The following TPX2 variants were observed in gnomAD, a reference collection of about 807,000 sequenced individuals.
TPX2 encodes the protein targeting protein for Xklp2.
A neutral mutation model predicts 93.6 loss-of-function variants in TPX2; 21 were observed. The observed-to-expected ratio is 0.22, with a 90% CI of 0.16 to 0.32. The LOEUF (loss-of-function observed/expected upper bound fraction) is 0.32. Ranked by LOEUF, TPX2 falls within the 10% of genes least tolerant of loss-of-function variation. TPX2 has a pLI of 1.00. For missense variants in TPX2, 776 were observed against 871.1 expected, an observed-to-expected ratio of 0.89 and a Z score of 1.37; for synonymous variants, 281 against 298.3, an observed-to-expected ratio of 0.94 and a Z score of 0.60.
rs969431981 is a variant in TPX2 at position 31,776,063 on chromosome 20, T to A, written c.730+75T>A. 7 of 479,354 alleles carry A rather than the reference T, an allele frequency of 1.5e-5. No homozygotes were observed. The South Asian group carries it at 3.8e-4, about 26-fold the overall frequency. 29.7% of individuals were successfully genotyped at this position (479,354 alleles called of 1,614,324 possible). On this transcript the variant is annotated intron_variant, in intron 8 of 17. Coordinates refer to ENST00000300403, the MANE Select transcript of TPX2 (RefSeq NM_012112.5). ...CTCTTGGTAGGTGTTTTTTTTTTTT[T>A]TTTTTTTTTTTTTTTTTTTTTTTTT...
intron 17 of TPX2, among the ~76,000 whole-genome samples, chr20:31,799,371 C>A (rs985491213): frequency 1.3e-5 from 2 of 152,178 alleles, no homozygotes; most frequent in African/African-American, 4.8e-5. Context: ...AGAGATCTAT[C>A]ATATAACAAG....
Position 31,778,967 on chromosome 20 carries a change from G to A in TPX2, c.1037G>A (p.Ser346Asn). ...ACCCCTAACAGATATCATTTGAGGA[G>A]CAAGAAGGATGATATTAGTAAGTTT... ...KRTPNRYHLR[S>N]KKDDINLLPS... The change falls in exon 10 of 18, where the codon AGC (serine) becomes AAC (asparagine). Residue 346 changes from serine to asparagine, a missense_variant. Transcript: ENST00000300403. The A allele has an allele frequency of 1.3e-6, 2 of 1,593,154 alleles. No homozygotes were observed. The highest frequency in any genetic ancestry group is 1.7e-6 in the Non-Finnish European group (2 of 1,173,294).
intron 6 of TPX2, among the ~76,000 whole-genome samples, chr20:31,770,975 C>G (rs970862327): frequency 7.1e-6 from 1 of 140,976 alleles, no homozygotes; most frequent in African/African-American, 2.7e-5. Flanking sequence ...TGCTTGTTGT[C>G]TCACTGGCAC....
At chr20:31,744,057 A>T (rs1379347735) in intron 2 of TPX2, among the ~76,000 whole-genome samples, 3 of 151,312 alleles carry the variant, frequency 2.0e-5, no homozygotes, top group African/African-American at 7.3e-5. Flanking sequence ...TTTGATCTGC[A>T]GTTGATTGAA....
At chr20:31,781,682 C>T (rs2062034727) in intron 10 of TPX2, among the ~76,000 whole-genome samples, 1 of 151,980 alleles carries the variant, frequency 6.6e-6, no homozygotes, top group Admixed American at 6.6e-5. Context: ...TGGCTTAACG[C>T]CTATAATCCC....
intron 5 of TPX2, among the ~76,000 whole-genome samples, chr20:31,768,098 T>G (rs185875913): frequency 4.3e-4 from 65 of 151,764 alleles, no homozygotes; most frequent in African/African-American, 1.5e-3. Flanking sequence ...GGTGGCCAGC[T>G]AATTTTCGTA....
intron 2 of TPX2, among the ~76,000 whole-genome samples, chr20:31,753,117 A>G (rs1392607449): frequency 1.3e-5 from 2 of 152,242 alleles, no homozygotes; most frequent in African/African-American, 2.4e-5. Context: ...AAGAACCCCT[A>G]TTCCAGACAG....
At chr20:31,748,689 T>C (rs982007958) in intron 2 of TPX2, among the ~76,000 whole-genome samples, 1 of 152,224 alleles carries the variant, frequency 6.6e-6, no homozygotes, top group Non-Finnish European at 1.5e-5. Flanking sequence ...CTTGTTCTTT[T>C]AAAACTCAAC....
At chr20:31,747,460 GTCTATCTA>G (rs540177871) in intron 2 of TPX2, among the ~76,000 whole-genome samples, 4 of 145,096 alleles carry the variant, frequency 2.8e-5, no homozygotes, top group East Asian at 1.9e-4. Flanking sequence ...CTGTCTGTCT[GTCTATCTA>G]TCTATCTATC....
chr20:31,760,656 G>T (rs543109349), intron 4 of TPX2, among the ~76,000 whole-genome samples: 8 of 152,044 alleles, frequency 5.3e-5, no homozygotes, highest in African/African-American at 1.9e-4. Context: ...TACTGTTCCC[G>T]GGGGCTAACA....
intron 12 of TPX2, among the ~76,000 whole-genome samples, chr20:31,786,315 A>G (rs2062065260): frequency 1.3e-5 from 2 of 149,470 alleles, no homozygotes; most frequent in South Asian, 4.4e-4. Flanking sequence ...CTTAGGAAGT[A>G]TGTGCTTATT....
intron 12 of TPX2, among the ~76,000 whole-genome samples, chr20:31,790,321 C>T (rs1457497024): frequency 1.3e-5 from 2 of 152,130 alleles, no homozygotes; most frequent in African/African-American, 2.4e-5. Context: ...AAATCCCTTC[C>T]AATGATTGTG....
intron 7 of TPX2, 64 bp from the exon 8 acceptor site, chr20:31,775,801 GAT>G: frequency 7.2e-7 from 1 of 1,383,134 alleles, no homozygotes; most frequent in Non-Finnish European, 9.4e-7. Context: ...AATGCCTGTA[GAT>G]TCTTTTGAGT....
At chr20:31,770,245 G>T in intron 5 of TPX2, 98 bp from the exon 6 acceptor site, 1 of 808,736 alleles carries the variant, frequency 1.2e-6, no homozygotes, top group Non-Finnish European at 1.7e-6. Flanking sequence ...CCATTTTATT[G>T]CCCTTTGTAG....
intron 12 of TPX2, among the ~76,000 whole-genome samples, chr20:31,784,562 A>G (rs2062053682): frequency 1.3e-5 from 2 of 152,222 alleles, no homozygotes; most frequent in Admixed American, 6.5e-5. Context: ...TTTGACTTGC[A>G]GAAATGCAAA....
chr20:31,745,807 T>A (rs2061780889), intron 2 of TPX2, among the ~76,000 whole-genome samples: 1 of 152,228 alleles, frequency 6.6e-6, no homozygotes, highest in Non-Finnish European at 1.5e-5. Context: ...TCAGATTACT[T>A]TGGGTTTCTA....
At chr20:31,749,339 G>A (rs1478843060) in intron 2 of TPX2, among the ~76,000 whole-genome samples, 1 of 152,200 alleles carries the variant, frequency 6.6e-6, no homozygotes, top group African/African-American at 2.4e-5. Flanking sequence ...CTTCTTAGCT[G>A]CATGACTGTG....
chr20:31,791,819 G>A (rs1352129491), intron 12 of TPX2, among the ~76,000 whole-genome samples: 3 of 152,138 alleles, frequency 2.0e-5, no homozygotes, highest in African/African-American at 7.2e-5. Context: ...AAATTACTGA[G>A]GTTTTGTTTT....
At chr20:31,792,623 C>T in intron 12 of TPX2, 112 bp from the exon 13 acceptor site, 1 of 1,017,262 alleles carries the variant, frequency 9.8e-7, no homozygotes, top group Non-Finnish European at 1.5e-6. Flanking sequence ...ACCAGCTGGG[C>T]AACATAGTGA....
Sources: allele counts gnomAD v4.1 joint callset (sites outside exome capture counted in the v4.1 genomes callset), GRCh38; gene constraint gnomAD v4.1.1; transcripts MANE v1.5; gene names NCBI Gene and HGNC (gene_info 2026-07-23, HGNC 2026-07-21).